Variants in ARL2 observed in about 807,000 individuals in gnomAD.
ARL2 encodes the protein ADP-ribosylation factor-like protein 2.
Under a neutral mutation model 22.0 loss-of-function variants are expected in ARL2, and 11 were observed. The ratio of observed to expected loss-of-function variants is 0.50; its 90% CI spans 0.31 to 0.83. The LOEUF (loss-of-function observed/expected upper bound fraction) is 0.83, where lower values mean the gene tolerates loss of function less well. ARL2 is among the 40% of genes least tolerant of loss of function. The pLI, the probability that ARL2 is intolerant of heterozygous loss-of-function variation, is 0.04. For synonymous variants in ARL2, 111 were observed against 100.8 expected, an observed-to-expected ratio of 1.10 and a Z score of -0.61; for missense variants, 216 against 243.2, an observed-to-expected ratio of 0.89 and a Z score of 0.74.
At chr11:65,017,834 G>A (rs900079322) in intron 1 of ARL2, among the ~76,000 whole-genome samples, 1 of 152,196 alleles carries the variant, frequency 6.6e-6, no homozygotes, top group Non-Finnish European at 1.5e-5. Context: ...TAGCAGGTCT[G>A]GAATATTCCA....
At position 65,020,514 on chromosome 11, in the gene ARL2, C is replaced by T. The variant is rs774211097; in HGVS notation, c.420+15C>T. On this transcript the variant is annotated intron_variant, in intron 4 of 4. Transcript: ENST00000246747. ...CCATCCGCGAGGTGAGTCCAGGCCC[C>T]GGGACAGGCTCGCTGAGGGAAAGGG... The T allele has an allele frequency of 2.6e-5, 42 of 1,598,434 alleles. 1 individual carries two copies. Among genetic ancestry groups the T allele is most frequent in the South Asian group, 4.5e-5 (4 of 89,218 alleles).
intron 4 of ARL2, 172 bp from the exon 5 acceptor site, chr11:65,021,549 C>G: frequency 1.4e-6 from 1 of 738,226 alleles, no homozygotes; most frequent in Non-Finnish European, 2.1e-6. Flanking sequence ...GCCCAGGTGC[C>G]CCTGGGGTCT....
rs370884100 is a variant in ARL2, at chr11:65,018,324, G to A, written c.66-40G>A. ...GGCTCTGCAACAATGTCACCACCTGGCAGAGAACAGGGACTTCTCCTTAAC... is the reference window on the plus strand; with the variant it reads ...GGCTCTGCAACAATGTCACCACCTGACAGAGAACAGGGACTTCTCCTTAAC... On this transcript the variant is annotated intron_variant, in intron 1 of 4. Transcript: ENST00000246747. This position sits in a 1 kb window ranked among gnomAD's most constrained non-coding sequence, Gnocchi z 4.2. The A allele has an allele frequency of 5.1e-4, 774 of 1,527,856 alleles. No individual in the cohort carries two copies. Among genetic ancestry groups the A allele is most frequent in the Non-Finnish European group, 6.7e-4 (753 of 1,122,934 alleles). 94.6% of individuals were successfully genotyped at this position (1,527,856 alleles called of 1,614,324 possible).
intron 1 of ARL2, among the ~76,000 whole-genome samples, chr11:65,017,180 C>G (rs1946266914): frequency 6.6e-6 from 1 of 150,618 alleles, no homozygotes; most frequent in Non-Finnish European, 1.5e-5. Context: ...GCAGAGAGAT[C>G]AAGGGCTTTG....
Position 65,021,895 on chromosome 11 carries a change from C to T in ARL2, c.*40C>T, listed in dbSNP as rs1207716285. ...CCCCCACCTAGCAGTCCAGGTCCCT[C>T]AACCTTCACCAAACACTACCCATGG... On this transcript the variant is annotated 3_prime_UTR_variant, in exon 5 of 5. Transcript: ENST00000246747. 1 of 1,592,390 alleles carries T rather than the reference C, an allele frequency of 6.3e-7. No individual in the cohort carries two copies. The highest frequency in any genetic ancestry group is 8.6e-7 in the Non-Finnish European group (1 of 1,168,936).
intron 4 of ARL2, 39 bp downstream of exon 4, chr11:65,020,538 G>A: frequency 6.6e-7 from 1 of 1,523,552 alleles, no homozygotes; most frequent in Non-Finnish European, 8.9e-7. Flanking sequence ...TGAGGGAAAG[G>A]GGCATACATT....
At chr11:65,015,143 C>T (rs946676663) in intron 1 of ARL2, among the ~76,000 whole-genome samples, 2 of 151,172 alleles carry the variant, frequency 1.3e-5, no homozygotes, top group African/African-American at 2.4e-5. Flanking sequence ...GACGGAGTTT[C>T]GCTCTTGTTG....
chr11:65,016,625 AG>A (rs1038899670), intron 1 of ARL2, among the ~76,000 whole-genome samples: 1 of 152,076 alleles, frequency 6.6e-6, no homozygotes, highest in Non-Finnish European at 1.5e-5. Context: ...GAGCAGGTTC[AG>A]GGTGGAGATG....
Position 65,018,330 on chromosome 11 carries a change from A to C in ARL2, c.66-34A>C. On this transcript the variant is annotated intron_variant, in intron 1 of 4. Transcript: ENST00000246747. The surrounding 1 kb of genome is among the most constrained non-coding windows in gnomAD (Gnocchi z 4.2). ...GCAACAATGTCACCACCTGGCAGAG[A>C]ACAGGGACTTCTCCTTAACCTGCTG... 1 of 1,546,948 alleles carries C rather than the reference A, an allele frequency of 6.5e-7. No homozygotes were observed. Among genetic ancestry groups the C allele is most frequent in the African/African-American group, 1.3e-5 (1 of 74,098 alleles).
In ARL2 at chr11:65,018,008, T is replaced by C. The variant is rs1946279113; in HGVS notation, c.66-356T>C. ...CGATGGCCCTCTTGGAAAGCCTCTC[T>C]GTTGTGTTGATGGCGCTAGCCGGGA... On this transcript the variant is annotated intron_variant, in intron 1 of 4. Transcript: ENST00000246747. The surrounding 1 kb of genome is among the most constrained non-coding windows in gnomAD (Gnocchi z 4.2). Among the ~76,000 whole-genome samples the C allele has an allele frequency of 6.6e-6, 1 of 152,230 alleles. No homozygotes were observed. Among genetic ancestry groups the C allele is most frequent in the African/African-American group, 2.4e-5 (1 of 41,468 alleles).
In ARL2 at chr11:65,018,462, T is replaced by C. The variant is rs769161323; in HGVS notation, c.164T>C (p.Leu55Pro). 3.1e-6 allele frequency: 5 copies of C among 1,607,700 alleles called. No homozygotes were observed. In the African/African-American group the frequency reaches 4.0e-5, roughly 13 times the overall value. Residue 55 changes from leucine (L) to proline (P), a missense_variant, in exon 2 of 5, where the codon CTG (leucine) becomes CCG (proline). Leu to Pro is a moderately conservative substitution (Grantham distance 98). Coordinates refer to ENST00000246747, the MANE Select transcript of ARL2 (RefSeq NM_001667.4). The surrounding 1 kb of genome is among the most constrained non-coding windows in gnomAD (Gnocchi z 4.2). ...SPTLGFNIKTLEHRGFKLNIW... is the reference protein window; with the variant it reads ...SPTLGFNIKTPEHRGFKLNIW... The stretch of plus-strand genomic sequence containing the variant: ...ACGCTGGGCTTCAACATCAAGACCC[T>C]GGAGCACCGAGGGTGAGCAGGGGCC...
At position 65,020,073 on chromosome 11, in the gene ARL2, A is replaced by G. The variant is rs569912748; in HGVS notation, c.340-346A>G. 2.6e-5 allele frequency among the ~76,000 whole-genome samples: 4 copies of G among 152,326 alleles called. No homozygotes were observed. The East Asian group carries it at 7.7e-4, about 29-fold the overall frequency. On this transcript the variant is annotated intron_variant, in intron 3 of 4. Transcript: ENST00000246747. ...GAGGGAGAGTTCACATCCTCTGTGC[A>G]TGTCTGGTCATCAGATTGGAGCAGT...
intron 4 of ARL2, chr11:65,021,507 A>G: frequency 2.0e-6 from 1 of 507,848 alleles, no homozygotes; most frequent in Non-Finnish European, 3.5e-6. Flanking sequence ...TACATCACTA[A>G]GGGGCAGCAC....
intron 4 of ARL2, among the ~76,000 whole-genome samples, chr11:65,020,813 G>A (rs991805054): frequency 6.7e-6 from 1 of 149,564 alleles, no homozygotes; most frequent in Non-Finnish European, 1.5e-5. Context: ...AGGTTGCAGT[G>A]AGCCAAGATT....
At chr11:65,021,436 G>A (rs752382328) in intron 4 of ARL2, 36 of 374,846 alleles carry the variant, frequency 9.6e-5, no homozygotes, top group Admixed American at 3.5e-4. Context: ...GAGAGAGGGT[G>A]TGTGGGGCTC....
At position 65,021,815 on chromosome 11, in the gene ARL2, T is replaced by A. The variant is rs1946331625; in HGVS notation, c.515T>A (p.Leu172His). 2 of 1,613,424 alleles carry A rather than the reference T, an allele frequency of 1.2e-6. No individual in the cohort carries two copies. Among genetic ancestry groups the A allele is most frequent in the Non-Finnish European group, 1.7e-6 (2 of 1,179,962 alleles). The change falls in exon 5 of 5, where the codon CTC (leucine) becomes CAC (histidine). Residue 172 changes from leucine to histidine, a missense_variant. Physicochemically the swap from Leu to His is moderately conservative, Grantham distance 99. Transcript: ENST00000246747. ...AACCTGCTGCCGGGCATCGACTGGCTCCTGGATGACATTTCCAGCCGCATT... is the reference window on the plus strand; with the variant it reads ...AACCTGCTGCCGGGCATCGACTGGCACCTGGATGACATTTCCAGCCGCATT... ...GENLLPGIDW[L>H]LDDISSRIFT...
At chr11:65,017,197 CTTTTT>C (rs368785196) in intron 1 of ARL2, among the ~76,000 whole-genome samples, 1 of 142,770 alleles carries the variant, frequency 7.0e-6, no homozygotes, top group Non-Finnish European at 1.5e-5. Flanking sequence ...TTTGTTTGCT[CTTTTT>C]TTTTTTTTAA....
intron 3 of ARL2, among the ~76,000 whole-genome samples, chr11:65,020,111 A>G (rs1946309668): frequency 6.6e-6 from 1 of 152,210 alleles, no homozygotes; most frequent in Non-Finnish European, 1.5e-5. Context: ...AGAACCACGG[A>G]GAGCTCAGGG....
intron 1 of ARL2, among the ~76,000 whole-genome samples, chr11:65,017,415 C>T (rs549693011): frequency 7.2e-5 from 11 of 152,078 alleles, no homozygotes; most frequent in South Asian, 2.1e-4. Context: ...AGGCTGGTTT[C>T]GAACTCCTGA....
Sources: gnomAD v4.1 joint callset for allele counts (sites outside exome capture counted in the v4.1 genomes callset) on GRCh38, gnomAD v4.1.1 for gene constraint, Gnocchi (gnomAD v3.1) non-coding constraint, MANE v1.5 for transcripts, NCBI Gene and HGNC (gene_info 2026-07-23, HGNC 2026-07-21) for gene names.